AGBL4: variants seen among roughly 807,000 people sequenced by gnomAD.
AGBL4 encodes the protein AGBL carboxypeptidase 4, also known as cytosolic carboxypeptidase 6.
In AGBL4, 58 loss-of-function variants were observed where a neutral mutation model predicts 66.4. The ratio of observed to expected loss-of-function variants is 0.87; its 90% CI spans 0.71 to 1.09. The LOEUF is 1.09. Among genes scored for constraint, AGBL4 ranks in the 50% least tolerant of loss-of-function variants. The pLI is 0.00. For missense variants in AGBL4, 579 were observed against 631.0 expected, an observed-to-expected ratio of 0.92 and a Z score of 0.88; for synonymous variants, 234 against 222.9, an observed-to-expected ratio of 1.05 and a Z score of -0.44.
chr1:49,331,653 C>G (rs1325685636), intron 3 of AGBL4, among the ~76,000 whole-genome samples: 1 of 151,650 alleles, frequency 6.6e-6, no homozygotes, highest in African/African-American at 2.4e-5. Context: ...ACTCTGATCT[C>G]TCCCTGGGAC....
chr1:49,158,266 T>C (rs2148134073), intron 4 of AGBL4, among the ~76,000 whole-genome samples: 1 of 152,224 alleles, frequency 6.6e-6, no homozygotes, highest in South Asian at 2.1e-4. Context: ...GACATAGACA[T>C]GGGCAAAGAC....
intron 1 of AGBL4, among the ~76,000 whole-genome samples, chr1:49,949,950 C>G (rs1655922994): frequency 6.8e-6 from 1 of 147,026 alleles, no homozygotes; most frequent in Non-Finnish European, 1.5e-5. Flanking sequence ...GTGGAAACAA[C>G]CCAAATGCCA....
chr1:48,816,338 C>A (rs940196620), intron 6 of AGBL4, among the ~76,000 whole-genome samples: 2 of 152,118 alleles, frequency 1.3e-5, no homozygotes, highest in Non-Finnish European at 2.9e-5. Flanking sequence ...TTGATCATAT[C>A]TGAGATCATC....
chr1:49,387,170 G>T (rs1570590966), intron 3 of AGBL4, among the ~76,000 whole-genome samples: 1 of 151,810 alleles, frequency 6.6e-6, no homozygotes, highest in Non-Finnish European at 1.5e-5. Flanking sequence ...GTTTTCTTGT[G>T]TATAAATTGA....
At chr1:49,364,340 G>T (rs975109322) in intron 3 of AGBL4, among the ~76,000 whole-genome samples, 1 of 152,088 alleles carries the variant, frequency 6.6e-6, no homozygotes, top group Non-Finnish European at 1.5e-5. Context: ...GGAAATATTG[G>T]ATGAGGTCCC....
intron 3 of AGBL4, among the ~76,000 whole-genome samples, chr1:49,527,998 A>AT (rs1371449931): frequency 1.3e-5 from 2 of 151,846 alleles, no homozygotes; most frequent in South Asian, 2.1e-4. Context: ...GACAAATTAG[A>AT]TTTTTTTTCA....
chr1:49,100,789 A>G (rs996296346), intron 4 of AGBL4, among the ~76,000 whole-genome samples: 7 of 152,196 alleles, frequency 4.6e-5, no homozygotes, highest in Non-Finnish European at 8.8e-5. Flanking sequence ...ATTGGGAAAG[A>G]AGAAAACTAC....
intron 3 of AGBL4, among the ~76,000 whole-genome samples, chr1:49,559,036 T>C (rs1271544559): frequency 6.6e-6 from 1 of 152,116 alleles, no homozygotes; most frequent in Non-Finnish European, 1.5e-5. Flanking sequence ...GGAAGAACCA[T>C]GGCCTGGCTG....
At chr1:49,958,452 C>T (rs1656822314) in intron 1 of AGBL4, among the ~76,000 whole-genome samples, 2 of 151,906 alleles carry the variant, frequency 1.3e-5, no homozygotes, top group African/African-American at 4.8e-5. Context: ...CCCAAATGTC[C>T]ATCAATGGTA....
intron 11 of AGBL4, among the ~76,000 whole-genome samples, chr1:48,564,318 C>T (rs1250636556): frequency 1.3e-5 from 2 of 152,090 alleles, no homozygotes; most frequent in East Asian, 3.8e-4. Flanking sequence ...TTCCCTGGAT[C>T]AAGTCCAAAC....
At chr1:49,282,483 G>C (rs1644296313) in intron 3 of AGBL4, among the ~76,000 whole-genome samples, 1 of 152,164 alleles carries the variant, frequency 6.6e-6, no homozygotes, top group Non-Finnish European at 1.5e-5. Context: ...AAACAATGGA[G>C]AACTAACAAA....
intron 2 of AGBL4, among the ~76,000 whole-genome samples, chr1:49,758,284 C>G (rs924927302): frequency 1.3e-5 from 2 of 152,166 alleles, no homozygotes; most frequent in Admixed American, 1.3e-4. Context: ...GTAGGGAGAG[C>G]TCTCATGGAG....
At chr1:49,259,496 G>A (rs1344553559) in intron 3 of AGBL4, among the ~76,000 whole-genome samples, 1 of 150,204 alleles carries the variant, frequency 6.7e-6, no homozygotes, top group Non-Finnish European at 1.5e-5. Flanking sequence ...AAAAAGGCAA[G>A]GGTTGCAATC....
chr1:49,214,585 A>G (rs1648926161), intron 4 of AGBL4, among the ~76,000 whole-genome samples: 1 of 152,138 alleles, frequency 6.6e-6, no homozygotes, highest in South Asian at 2.1e-4. Context: ...AATGATAAAC[A>G]ATGAAACTGA....
intron 3 of AGBL4, among the ~76,000 whole-genome samples, chr1:49,626,770 T>G (rs1558113519): frequency 1.3e-5 from 2 of 152,110 alleles, no homozygotes; most frequent in Non-Finnish European, 2.9e-5. Flanking sequence ...AAATATATAG[T>G]GCCTTGTGGC....
intron 9 of AGBL4, among the ~76,000 whole-genome samples, chr1:48,603,099 A>G (rs1645098649): frequency 6.6e-6 from 1 of 152,236 alleles, no homozygotes. Context: ...AGGACCCTCC[A>G]GTGGAGAGAA....
At chr1:49,251,872 A>G (rs1216500391) in intron 3 of AGBL4, among the ~76,000 whole-genome samples, 1 of 152,104 alleles carries the variant, frequency 6.6e-6, no homozygotes, top group South Asian at 2.1e-4. Context: ...TCCACCTTAT[A>G]CCACAAACCC....
rs372431923 is a variant in AGBL4, at chr1:49,370,639, C to T, written c.283-124775G>A. 1.4e-4 allele frequency among the ~76,000 whole-genome samples: 21 copies of T among 152,318 alleles called. 1 individual carries two copies. Among genetic ancestry groups the T allele is most frequent in the East Asian group, 1.4e-3 (7 of 5,184 alleles). ...CTAGCCAACTGACACATAAATTTAT[C>T]TATCACACTTAAATAAGTTACTTAA... On this transcript the variant is annotated intron_variant, in intron 3 of 13. Transcript: ENST00000371839.
At chr1:49,717,434 C>T (rs991558979) in intron 2 of AGBL4, among the ~76,000 whole-genome samples, 4 of 151,812 alleles carry the variant, frequency 2.6e-5, no homozygotes, top group Admixed American at 2.6e-4. Context: ...TATGAGCTGC[C>T]CTCTTCATGT....
Sources: gnomAD v4.1 joint callset for allele counts (sites outside exome capture counted in the v4.1 genomes callset) on GRCh38, gnomAD v4.1.1 for gene constraint, MANE v1.5 for transcripts, NCBI Gene and HGNC (gene_info 2026-07-23, HGNC 2026-07-21) for gene names.